CDK19: variants seen among roughly 807,000 people sequenced by gnomAD.
The protein encoded by CDK19 is cyclin-dependent kinase 19.
CDK19 carries 20 observed loss-of-function variants against 68.3 expected under a neutral mutation model. That is an observed-to-expected ratio of 0.29 (90% CI 0.21 to 0.43). The LOEUF (loss-of-function observed/expected upper bound fraction) is 0.43. Ranked by LOEUF, CDK19 falls within the 20% of genes least tolerant of loss-of-function variation. CDK19 has a pLI of 1.00. For missense variants in CDK19, 339 were observed against 623.5 expected (o/e 0.54, Z 4.86); for synonymous variants, 221 against 222.8 (o/e 0.99, Z 0.07).
At chr6:110,696,849 G>A (rs528789284) in intron 2 of CDK19, among the ~76,000 whole-genome samples, 7 of 151,836 alleles carry the variant, frequency 4.6e-5, no homozygotes, top group South Asian at 2.1e-4. Flanking sequence ...ACTTGAGGCC[G>A]GGAGTTTGAG....
chr6:110,652,226 G>T (rs553464318), intron 4 of CDK19, among the ~76,000 whole-genome samples: 2 of 152,130 alleles, frequency 1.3e-5, no homozygotes, highest in South Asian at 4.2e-4. Flanking sequence ...GATAGCACAG[G>T]GTTCTCGAAG....
At chr6:110,673,669 A>T (rs1771212770) in intron 2 of CDK19, among the ~76,000 whole-genome samples, 1 of 152,214 alleles carries the variant, frequency 6.6e-6, no homozygotes, top group Non-Finnish European at 1.5e-5. Flanking sequence ...TATTAGGACA[A>T]TATCAATATT....
intron 2 of CDK19, among the ~76,000 whole-genome samples, chr6:110,714,730 T>C (rs1309072972): frequency 4.0e-5 from 6 of 150,142 alleles, no homozygotes; most frequent in Admixed American, 2.0e-4. Context: ...TTCTTTTTTT[T>C]TTTTTTTTTT....
At chr6:110,620,437 TCTTAA>T (rs1321910276) in intron 12 of CDK19, among the ~76,000 whole-genome samples, 2 of 152,160 alleles carry the variant, frequency 1.3e-5, no homozygotes, top group African/African-American at 2.4e-5. Context: ...CTAGATGGTT[TCTTAA>T]CTTGTTACTA....
chr6:110,693,331 C>A (rs1773187544), intron 2 of CDK19, among the ~76,000 whole-genome samples: 2 of 152,240 alleles, frequency 1.3e-5, no homozygotes, highest in Non-Finnish European at 2.9e-5. Flanking sequence ...AAATCCAGAT[C>A]ATGGGAGAAG....
intron 1 of CDK19, among the ~76,000 whole-genome samples, chr6:110,791,187 AATTC>A (rs1415567304): frequency 4.0e-5 from 6 of 151,262 alleles, no homozygotes; most frequent in East Asian, 1.9e-4. Flanking sequence ...AAAAAAATTT[AATTC>A]ATTAATTAAT....
chr6:110,718,289 G>A (rs1775557839), intron 2 of CDK19, among the ~76,000 whole-genome samples: 1 of 152,122 alleles, frequency 6.6e-6, no homozygotes, highest in Non-Finnish European at 1.5e-5. Context: ...CTAGAAGCTG[G>A]GGGTCTAAAC....
At chr6:110,688,732 C>T (rs1772720813) in intron 2 of CDK19, among the ~76,000 whole-genome samples, 1 of 152,156 alleles carries the variant, frequency 6.6e-6, no homozygotes, top group African/African-American at 2.4e-5. Flanking sequence ...GTGGGAAGAG[C>T]CTTGCATGCA....
chr6:110,797,984 CAAAAAAAAA>C (rs56710819), intron 1 of CDK19, among the ~76,000 whole-genome samples: 3 of 87,256 alleles, frequency 3.4e-5, no homozygotes, highest in Non-Finnish European at 4.6e-5. Flanking sequence ...GACTCCGTCT[CAAAAAAAAA>C]AAAAAAAAAA....
intron 1 of CDK19, among the ~76,000 whole-genome samples, chr6:110,800,146 C>T (rs1217379437): frequency 6.6e-6 from 1 of 152,128 alleles, no homozygotes; most frequent in East Asian, 1.9e-4. Context: ...AACATTATTA[C>T]AAACATTATA....
chr6:110,797,536 A>C (rs138286214), intron 1 of CDK19, among the ~76,000 whole-genome samples: 448 of 152,336 alleles, frequency 2.9e-3, no homozygotes, highest in Non-Finnish European at 4.9e-3. Context: ...GAACGGAAGA[A>C]AGAAAATGGA....
At chr6:110,801,709 C>T (rs368363004) in intron 1 of CDK19, among the ~76,000 whole-genome samples, 31 of 152,118 alleles carry the variant, frequency 2.0e-4, no homozygotes, top group Admixed American at 1.2e-3. Flanking sequence ...GACAGGGTTT[C>T]GCAGTGTTAG....
intron 1 of CDK19, among the ~76,000 whole-genome samples, chr6:110,807,790 T>C (rs957913473): frequency 3.9e-5 from 6 of 151,906 alleles, no homozygotes; most frequent in African/African-American, 7.2e-5. Flanking sequence ...ACATATACTA[T>C]TTACAAACTT....
chr6:110,784,021 T>A (rs1360957566), intron 1 of CDK19, among the ~76,000 whole-genome samples: 3 of 151,558 alleles, frequency 2.0e-5, no homozygotes, highest in Admixed American at 6.6e-5. Context: ...TTAGCCGGCA[T>A]GATGGTGCAC....
intron 2 of CDK19, among the ~76,000 whole-genome samples, chr6:110,696,140 A>G (rs776484591): frequency 2.0e-5 from 3 of 152,252 alleles, no homozygotes; most frequent in Non-Finnish European, 4.4e-5. Flanking sequence ...TATCGAAAAG[A>G]TAATACACCA....
intron 2 of CDK19, among the ~76,000 whole-genome samples, chr6:110,717,612 A>G (rs932281887): frequency 6.6e-6 from 1 of 152,204 alleles, no homozygotes; most frequent in Admixed American, 6.5e-5. Context: ...ATTCCTGGTT[A>G]CTATGGTTTT....
chr6:110,623,426 T>C, intron 8 of CDK19, 64 bp from the exon 9 acceptor site: 1 of 1,579,234 alleles, frequency 6.3e-7, no homozygotes, highest in South Asian at 1.2e-5. Flanking sequence ...TTCTTAATGA[T>C]AAGCTCCAGG....
chr6:110,630,473 T>C (rs578244551), intron 6 of CDK19, among the ~76,000 whole-genome samples: 2 of 152,178 alleles, frequency 1.3e-5, no homozygotes, highest in Non-Finnish European at 2.9e-5. Flanking sequence ...TTTTCAATAG[T>C]GGGTAAGGAG....
chr6:110,786,106 C>G (rs1299626905), intron 1 of CDK19, among the ~76,000 whole-genome samples: 3 of 152,084 alleles, frequency 2.0e-5, no homozygotes, highest in African/African-American at 7.2e-5. Context: ...GCTTTAGTTT[C>G]AGTGTCTGTA....
Sources: gnomAD v4.1 joint callset for allele counts (sites outside exome capture counted in the v4.1 genomes callset) on GRCh38, gnomAD v4.1.1 for gene constraint, MANE v1.5 for transcripts, NCBI Gene and HGNC (gene_info 2026-07-23, HGNC 2026-07-21) for gene names.